The following DAB1 variants were observed in gnomAD, a reference collection of about 807,000 sequenced individuals.
DAB1 encodes disabled homolog 1.
DAB1 carries 15 observed loss-of-function variants against 64.6 expected under a neutral mutation model. The observed-to-expected ratio is 0.23, with a 90% CI of 0.16 to 0.36. The LOEUF is 0.36. DAB1 is among the 10% of genes least tolerant of loss of function. The pLI is 1.00. For missense variants in DAB1, 596 were observed against 706.7 expected (o/e 0.84, Z 1.78); for synonymous variants, 235 against 251.9 (o/e 0.93, Z 0.64).
At chr1:58,076,317 A>C (rs1411322593) in intron 5 of DAB1, among the ~76,000 whole-genome samples, 1 of 152,218 alleles carries the variant, frequency 6.6e-6, no homozygotes, top group African/African-American at 2.4e-5. Flanking sequence ...GGTGATAAGC[A>C]GGAGATCAGA....
At chr1:57,994,071 G>A (rs1174334304) in intron 5 of DAB1, among the ~76,000 whole-genome samples, 1 of 152,168 alleles carries the variant, frequency 6.6e-6, no homozygotes, top group Non-Finnish European at 1.5e-5. Flanking sequence ...TTAATTCCAG[G>A]TGTGAACTAA....
chr1:57,559,547 T>C (rs774991001), intron 7 of DAB1, among the ~76,000 whole-genome samples: 13 of 152,186 alleles, frequency 8.5e-5, no homozygotes, highest in Non-Finnish European at 1.5e-4. Flanking sequence ...CTGATGTTGA[T>C]TCCAGGGGAC....
At chr1:57,424,072 G>T (rs1397014001), upstream of DAB1, 1 of 152,086 alleles carries the variant, frequency 6.6e-6, no homozygotes, top group Non-Finnish European at 1.5e-5. Context: ...TCCTCCCCGG[G>T]AGCCACCGGC....
chr1:57,494,500 C>CA (rs11406822), intron 7 of DAB1, among the ~76,000 whole-genome samples: 28,937 of 152,160 alleles, frequency 0.19, 3,025 homozygotes, highest in Non-Finnish European at 0.24. Flanking sequence ...CTTCCTGAAG[C>CA]AAAAATGCCA....
intron 2 of DAB1, among the ~76,000 whole-genome samples, chr1:57,288,529 A>G (rs1009780545): frequency 6.6e-6 from 1 of 152,150 alleles, no homozygotes; most frequent in Non-Finnish European, 1.5e-5. Flanking sequence ...CCACGTGAGG[A>G]CATGGTGAGA....
intron 7 of DAB1, among the ~76,000 whole-genome samples, chr1:57,465,160 T>C (rs768282988): frequency 5.9e-5 from 9 of 152,050 alleles, no homozygotes; most frequent in Non-Finnish European, 8.8e-5. Flanking sequence ...GAGTGAGGGT[T>C]TTACAAGCAG....
At chr1:58,336,584 T>A (rs538056104) in intron 4 of DAB1, among the ~76,000 whole-genome samples, 5 of 152,300 alleles carry the variant, frequency 3.3e-5, no homozygotes, top group Admixed American at 3.3e-4. Context: ...GTGGCAGAAA[T>A]GAAATTAACA....
intron 3 of DAB1, among the ~76,000 whole-genome samples, chr1:58,379,446 A>G (rs1457272911): frequency 6.6e-6 from 1 of 152,248 alleles, no homozygotes. Context: ...AAATGTATTA[A>G]TATCTACTGG....
intron 5 of DAB1, among the ~76,000 whole-genome samples, chr1:57,940,321 G>A (rs189279261): frequency 9.9e-4 from 151 of 152,310 alleles, no homozygotes; most frequent in African/African-American, 3.6e-3. Context: ...TTTCAAGGAA[G>A]ATACAGTTTT....
intron 3 of DAB1, among the ~76,000 whole-genome samples, chr1:58,453,937 T>C (rs1645164920): frequency 6.6e-6 from 1 of 151,948 alleles, no homozygotes. Flanking sequence ...AAGCCCTGGC[T>C]CTCCCTCACA....
intron 5 of DAB1, among the ~76,000 whole-genome samples, chr1:58,141,467 C>G (rs1393394704): frequency 6.6e-6 from 1 of 152,096 alleles, no homozygotes; most frequent in Non-Finnish European, 1.5e-5. Flanking sequence ...ATTATAGAGG[C>G]TACAATTTAA....
chr1:57,546,457 C>G (rs1283518649), intron 7 of DAB1, among the ~76,000 whole-genome samples: 3 of 152,174 alleles, frequency 2.0e-5, no homozygotes, highest in African/African-American at 7.2e-5. Flanking sequence ...ATTTGAATCC[C>G]AGCTCAACCA....
chr1:58,449,548 G>T (rs758305665), intron 3 of DAB1, among the ~76,000 whole-genome samples: 10 of 152,208 alleles, frequency 6.6e-5, no homozygotes, highest in Non-Finnish European at 1.3e-4. Flanking sequence ...GAGTCCTCGT[G>T]CTCCACTCTA....
At chr1:58,491,959 T>C (rs1645701704) in intron 3 of DAB1, among the ~76,000 whole-genome samples, 1 of 152,174 alleles carries the variant, frequency 6.6e-6, no homozygotes, top group South Asian at 2.1e-4. Context: ...CAACAGAATA[T>C]ACATTCTTTT....
At chr1:58,120,515 T>C (rs185504384) in intron 5 of DAB1, among the ~76,000 whole-genome samples, 121 of 152,276 alleles carry the variant, frequency 7.9e-4, no homozygotes, top group African/African-American at 2.9e-3. Context: ...TTACCTCTTA[T>C]GCCAACACCC....
chr1:57,747,825 A>G (rs1476950513), intron 6 of DAB1, among the ~76,000 whole-genome samples: 2 of 151,072 alleles, frequency 1.3e-5, no homozygotes, highest in Non-Finnish European at 3.0e-5. Flanking sequence ...AAAAAAAAAA[A>G]AAAAAAAAGA....
intron 3 of DAB1, among the ~76,000 whole-genome samples, chr1:57,144,893 T>G (rs1297234801): frequency 1.3e-5 from 2 of 152,248 alleles, no homozygotes; most frequent in South Asian, 2.1e-4. Context: ...AAATCAACTT[T>G]TATCTTAACA....
chr1:58,324,606 A>G (rs548025773), intron 4 of DAB1, among the ~76,000 whole-genome samples: 2 of 152,126 alleles, frequency 1.3e-5, no homozygotes, highest in Admixed American at 6.5e-5. Flanking sequence ...TTAATATTCA[A>G]TCTGGGGAAA....
chr1:57,595,355 C>T (rs558880501), intron 7 of DAB1, among the ~76,000 whole-genome samples: 2 of 151,670 alleles, frequency 1.3e-5, no homozygotes, highest in Admixed American at 6.6e-5. Flanking sequence ...CTTTTTTGGG[C>T]CCCCAAATCT....
Sources: allele counts gnomAD v4.1 joint callset (sites outside exome capture counted in the v4.1 genomes callset), GRCh38; gene constraint gnomAD v4.1.1; transcripts MANE v1.5; gene names NCBI Gene and HGNC (gene_info 2026-07-23, HGNC 2026-07-21).